LTBP3: variants seen among roughly 807,000 people sequenced by gnomAD.
LTBP3 encodes latent transforming growth factor beta binding protein 3.
In LTBP3, 97 loss-of-function variants were observed where a neutral mutation model predicts 159.7. The observed-to-expected ratio is 0.61, with a 90% CI of 0.52 to 0.72. The LOEUF (loss-of-function observed/expected upper bound fraction) is 0.72. Ranked by LOEUF, LTBP3 falls within the 30% of genes least tolerant of loss-of-function variation. The probability of loss-of-function intolerance (pLI) is 0.00; values close to 1 mark genes in which losing one functional copy is unlikely to be tolerated. For missense variants in LTBP3, 1,584 were observed against 1,864.3 expected (o/e 0.85, Z 2.77); for synonymous variants, 824 against 777.1 (o/e 1.06, Z -1.00).
Position 65,554,162 on chromosome 11 carries a change from C to A in LTBP3, c.550G>T (p.Ala184Ser). 1.2e-6 allele frequency: 2 copies of A among 1,612,072 alleles called. No homozygotes were observed. The highest frequency in any genetic ancestry group is 1.7e-6 in the Non-Finnish European group (2 of 1,179,594). ...GCGATCACCTGGACGGCGTAGATGG[C>A]GTGCTTGCTGGCCACAGAGTCGCCC... ...PEGDSVASKH[A>S]IYAVQVIADP... Residue 184 changes from alanine (A) to serine (S), a missense_variant, in exon 2 of 28, where the codon GCC (alanine) becomes TCC (serine). Physicochemically the swap from Ala to Ser is moderately conservative, Grantham distance 99. Around this residue, in one of 6 missense-constraint regions of LTBP3, gnomAD observed 194 missense variants for 198.7 expected, o/e 0.98. Coordinates refer to ENST00000301873, the MANE Select transcript of LTBP3 (RefSeq NM_001130144.3). The surrounding 1 kb of genome is among the most constrained non-coding windows in gnomAD (Gnocchi z 5.3).
chr11:65,553,010 T>C lies in LTBP3; in HGVS notation c.1064-28A>G. The stretch of plus-strand genomic sequence containing the variant: ...GTGGTAAGTGGAAGTTTGGCCCCTC[T>C]GGTCTGGGGCCATGGGGTGACAGCA... On this transcript the variant is annotated intron_variant, in intron 5 of 27. Transcript: ENST00000301873. The surrounding 1 kb of genome is among the most constrained non-coding windows in gnomAD (Gnocchi z 6.5). The C allele has an allele frequency of 1.2e-6, 2 of 1,614,060 alleles. No individual in the cohort carries two copies. Among genetic ancestry groups the C allele is most frequent in the Middle Eastern group, 1.6e-4 (1 of 6,062 alleles).
At chr11:65,549,348 T>G (rs1856506318) in intron 11 of LTBP3, among the ~76,000 whole-genome samples, 1 of 152,008 alleles carries the variant, frequency 6.6e-6, no homozygotes, top group South Asian at 2.1e-4. Flanking sequence ...CAACTTAACT[T>G]CCCTTGTGAT....
Position 65,547,069 on chromosome 11 carries a change from C to T in LTBP3, c.2108-149G>A, listed in dbSNP as rs1482367633. On this transcript the variant is annotated intron_variant, in intron 14 of 27. Transcript: ENST00000301873. This position sits in a 1 kb window ranked among gnomAD's most constrained non-coding sequence, Gnocchi z 4.6. Reference sequence around the variant, plus strand: ...GAGGCCCAGAGCCGAGCATACAGGCCGGGTGCGGTGGCACACGGCTGTAAT... The same window carrying T: ...GAGGCCCAGAGCCGAGCATACAGGCTGGGTGCGGTGGCACACGGCTGTAAT... 16 of 1,192,148 alleles carry T rather than the reference C, an allele frequency of 1.3e-5. No individual in the cohort carries two copies. Among genetic ancestry groups the T allele is most frequent in the East Asian group, 2.5e-5 (1 of 39,708 alleles). The allele number at this position is 1,192,148 out of a possible 1,614,324, so 73.8% of individuals were successfully genotyped here.
rs760080755 is a variant in LTBP3 at position 65,552,248 on chromosome 11, C to G, written c.1345G>C (p.Ala449Pro). ...RCQRCPTDGT[A>P]AFKEICPAGK... ...CTATCCCCGGGTAACCCTGACTCAC[C>G]GGTGCCATCTGTTGGGCAGCGCTGA... The change falls in exon 7 of 28, where the codon GCT (alanine) becomes CCT (proline). Residue 449 changes from alanine (A) to proline (P), a missense_variant and splice_region_variant. By Grantham distance (27) the Ala-to-Pro change is conservative. This residue lies in a region of LTBP3 where 156 missense variants were observed against 259.7 expected (regional missense o/e 0.60). Transcript: ENST00000301873. The surrounding 1 kb of genome is among the most constrained non-coding windows in gnomAD (Gnocchi z 6.0). 1.9e-6 allele frequency: 3 copies of G among 1,614,158 alleles called. No homozygotes were observed. The Admixed American group carries it at 5.0e-5, about 27-fold the overall frequency.
chr11:65,556,542 C>T (rs2135165298), intron 1 of LTBP3, among the ~76,000 whole-genome samples: 1 of 152,246 alleles, frequency 6.6e-6, no homozygotes, highest in Non-Finnish European at 1.5e-5. Context: ...AACACAAAAA[C>T]AAAAACATTC....
rs770265907 is a variant in LTBP3, at chr11:65,540,910, C to T, written c.2938G>A (p.Asp980Asn). Residue 980 changes from aspartate to asparagine, a missense_variant, in exon 21 of 28, where the codon GAC becomes AAC. Asp to Asn is a conservative substitution (Grantham distance 23, BLOSUM62 1). Around this residue, in one of 6 missense-constraint regions of LTBP3, gnomAD observed 514 missense variants for 530.3 expected, o/e 0.97. Coordinates refer to ENST00000301873, the MANE Select transcript of LTBP3 (RefSeq NM_001130144.3). Reference protein sequence around the residue: ...LCPDGKGYTQDNNIVNYGIPA... With the variant: ...LCPDGKGYTQNNNIVNYGIPA... Reference sequence around the variant, plus strand: ...ATGCCGTAGTTGACGATGTTGTTGTCCTGGGTGTAGCCCTTTCCGTCTGGG... The same window carrying T: ...ATGCCGTAGTTGACGATGTTGTTGTTCTGGGTGTAGCCCTTTCCGTCTGGG... 9 of 1,613,514 alleles carry T rather than the reference C, an allele frequency of 5.6e-6. No homozygotes were observed.
Position 65,539,857 on chromosome 11 carries a change from A to ACGTCGCGCCGCTCCGGGGCACGCTCTG in LTBP3, c.3386-3_3409dup (p.Ala1128_Asp1136dup). The ACGTCGCGCCGCTCCGGGGCACGCTCTG allele has an allele frequency of 6.6e-7, 1 of 1,517,642 alleles. No homozygotes were observed. The highest frequency in any genetic ancestry group is 8.8e-7 in the Non-Finnish European group (1 of 1,139,890). The allele number at this position is 1,517,642 out of a possible 1,614,324, so 94.0% of individuals were successfully genotyped here. On this transcript the variant is annotated inframe_insertion, in exon 25 of 28. Transcript: ENST00000301873. The stretch of plus-strand genomic sequence containing the variant: ...GTCCTCTCCGCGCTGGCTCCAGCAC[A>ACGTCGCGCCGCTCCGGGGCACGCTCTG]CGTCGCGCCGCTCCGGGGCACGCTC...
intron 1 of LTBP3, among the ~76,000 whole-genome samples, chr11:65,556,824 AG>A (rs1394526537): frequency 1.3e-5 from 2 of 152,086 alleles, no homozygotes; most frequent in Non-Finnish European, 2.9e-5. Flanking sequence ...CCTGTCCAGG[AG>A]GGTAATTACT....
rs767143287 is a variant in LTBP3 at position 65,539,808 on chromosome 11, G to T, written c.3459C>A (p.Ala1153=). 1 of 1,534,720 alleles carries T rather than the reference G, an allele frequency of 6.5e-7. No homozygotes were observed. Residue 1153 remains alanine (A), a synonymous_variant, in exon 25 of 28, where the codon GCC becomes GCA. Coordinates refer to ENST00000301873, the MANE Select transcript of LTBP3 (RefSeq NM_001130144.3). Reference sequence around the variant, plus strand: ...AGTCGTCGAAGGTGAGGGCAGGCCCGGCCAGGGGGCCAGCGCACATGCCGT... The same window carrying T: ...AGTCGTCGAAGGTGAGGGCAGGCCCTGCCAGGGGGCCAGCGCACATGCCGT... ...GEDGMCAGPL[A]GPALTFDDCC... is the part of the protein sequence containing the mutation.
In LTBP3 at chr11:65,547,348, GA is replaced by G. The variant is rs553808538; in HGVS notation, c.2107+90del. Reference sequence around the variant, plus strand: ...GACAGAGTGAGACTCCGTCTCGGGGGAAAAAAAAAAAAATGCAGGCACCCCA... The same window carrying G: ...GACAGAGTGAGACTCCGTCTCGGGGGAAAAAAAAAAAATGCAGGCACCCCA... On this transcript the variant is annotated intron_variant, in intron 14 of 27. Transcript: ENST00000301873. This position sits in a 1 kb window ranked among gnomAD's most constrained non-coding sequence, Gnocchi z 4.6. 0.069 allele frequency: 52,718 copies of G among 762,070 alleles called. 5 individuals are homozygous for G. Among genetic ancestry groups the G allele is most frequent in the South Asian group, 0.1 (4,247 of 41,366 alleles). 47.2% of individuals were successfully genotyped at this position (762,070 alleles called of 1,614,324 possible). A position where few individuals can be genotyped will look rare whatever the true frequency, so the allele number is the denominator to read the frequency against.
chr11:65,551,569 A>C lies in LTBP3; in HGVS notation c.1532-5T>G, dbSNP rs371157404. The C allele has an allele frequency of 1.2e-6, 2 of 1,613,772 alleles. No homozygotes were observed. Among genetic ancestry groups the C allele is most frequent in the Non-Finnish European group, 1.7e-6 (2 of 1,179,978 alleles). On this transcript the variant is annotated splice_region_variant and splice_polypyrimidine_tract_variant and intron_variant, in intron 8 of 27. Transcript: ENST00000301873. ...TCACTGAGTCCGTGGTCACCCCTAA[A>C]AGGGAAGAAGATGGGGCCATGAAGT... is the stretch of plus-strand genomic sequence containing the variant.
rs2135113816 is a variant in LTBP3, at chr11:65,538,997, C to G, written c.*83G>C. 1.5e-6 allele frequency: 2 copies of G among 1,315,292 alleles called. No individual in the cohort carries two copies. The highest frequency in any genetic ancestry group is 1.9e-5 in the South Asian group (1 of 52,072). The allele number at this position is 1,315,292 out of a possible 1,614,324, so 81.5% of individuals were successfully genotyped here. On this transcript the variant is annotated 3_prime_UTR_variant, in exon 28 of 28. Transcript: ENST00000301873. ...CCTGAAGGTCCCTGGGTCCGAGCCA[C>G]AAGTCGGGGCAGAAGTGAGGCCGAG... is the stretch of plus-strand genomic sequence containing the variant.
Position 65,552,010 on chromosome 11 carries a change from C to T in LTBP3, c.1493G>A (p.Ser498Asn). 1 of 1,614,024 alleles carries T rather than the reference C, an allele frequency of 6.2e-7. No individual in the cohort carries two copies. The highest frequency in any genetic ancestry group is 8.5e-7 in the Non-Finnish European group (1 of 1,179,986). Residue 498 changes from serine to asparagine, a missense_variant, in exon 8 of 28, where the codon AGC becomes AAC. Around this residue, in one of 6 missense-constraint regions of LTBP3, gnomAD observed 565 missense variants for 677.7 expected, o/e 0.83. Coordinates refer to ENST00000301873, the MANE Select transcript of LTBP3 (RefSeq NM_001130144.3). This position sits in a 1 kb window ranked among gnomAD's most constrained non-coding sequence, Gnocchi z 6.0. ...PKPQQLPESP[S>N]QAPPPEDTEE... Reference sequence around the variant, plus strand: ...TGTGTCCTCAGGTGGTGGAGCCTGGCTAGGGCTCTCCGGAAGCTGCTGGGG... The same window carrying T: ...TGTGTCCTCAGGTGGTGGAGCCTGGTTAGGGCTCTCCGGAAGCTGCTGGGG...
chr11:65,551,448 C>T lies in LTBP3; in HGVS notation c.1575G>A (p.Gln525=). 1 of 1,613,940 alleles carries T rather than the reference C, an allele frequency of 6.2e-7. No individual in the cohort carries two copies. The highest frequency in any genetic ancestry group is 1.1e-5 in the South Asian group (1 of 91,082). The part of the protein sequence containing the change: ...DSPVSEERSV[Q]QSHPTATTTP... ...TCGTGGTGGCAGTTGGGTGGCTCTG[C>T]TGCACTGACCTCTCCTCACTCACCG... The change falls in exon 10 of 28, where the codon CAG becomes CAA. Residue 525 remains glutamine (Q), a synonymous_variant. Transcript: ENST00000301873.
chr11:65,550,775 G>C (rs905410474), intron 11 of LTBP3, among the ~76,000 whole-genome samples: 1 of 152,068 alleles, frequency 6.6e-6, no homozygotes, highest in Non-Finnish European at 1.5e-5. Flanking sequence ...GGTGAGCCGA[G>C]ATTGCGCCAC....
chr11:65,539,076 G>GGCGTCGGCA lies in LTBP3; in HGVS notation c.*3_*4insTGCCGACGC, dbSNP rs748923465. On this transcript the variant is annotated 3_prime_UTR_variant, in exon 28 of 28. Coordinates refer to ENST00000301873, the MANE Select transcript of LTBP3 (RefSeq NM_001130144.3). ...GGTCTGGGCCGAGGGCGGCGTCGGCGGCGTCAGCGGCGGCGCTGGGGAACG... is the reference window on the plus strand; with the variant it reads ...GGTCTGGGCCGAGGGCGGCGTCGGCGGCGTCGGCAGCGTCAGCGGCGGCGCTGGGGAACG... The GGCGTCGGCA allele has an allele frequency of 3.6e-5, 50 of 1,381,914 alleles. 1 individual carries two copies. The African/African-American group carries it at 6.2e-4, about 17-fold the overall frequency. The allele number at this position is 1,381,914 out of a possible 1,614,324, so 85.6% of individuals were successfully genotyped here.
rs1565095407 is a variant in LTBP3, at chr11:65,547,413, C to T, written c.2107+26G>A. 1 of 1,611,076 alleles carries T rather than the reference C, an allele frequency of 6.2e-7. No individual in the cohort carries two copies. The highest frequency in any genetic ancestry group is 2.2e-5 in the East Asian group (1 of 44,864). ...TGGAGAGACAGCTAAGGAGCTCCTT[C>T]TTTGGTCTGAATGGGGTCCCCTCAC... On this transcript the variant is annotated intron_variant, in intron 14 of 27. Transcript: ENST00000301873. The surrounding 1 kb of genome is among the most constrained non-coding windows in gnomAD (Gnocchi z 4.6).
chr11:65,557,029 G>T lies in LTBP3; in HGVS notation c.331+600C>A, dbSNP rs141441137. Reference sequence around the variant, plus strand: ...CAGGATGTTAGGAGCTTATGGGGAGGCATTGGAAAAGGAGAGGCTGAGAAC... The same window carrying T: ...CAGGATGTTAGGAGCTTATGGGGAGTCATTGGAAAAGGAGAGGCTGAGAAC... On this transcript the variant is annotated intron_variant, in intron 1 of 27. Transcript: ENST00000301873. Among the ~76,000 whole-genome samples, 104 of 152,128 alleles carry T rather than the reference G, an allele frequency of 6.8e-4. 1 individual carries two copies. The East Asian group carries it at 0.017, about 25-fold the overall frequency.
rs1375139471 is a variant in LTBP3 at position 65,539,822 on chromosome 11, C to T, written c.3445G>A (p.Ala1149Thr). ...AGGGCAGGCCCGGCCAGGGGGCCAG[C>T]GCACATGCCGTCCTCTCCGCGCTGG... ...WSQRGEDGMC[A>T]GPLAGPALTF... is the part of the protein sequence containing the mutation. The change falls in exon 25 of 28, where the codon GCT (alanine) becomes ACT (threonine). Residue 1149 changes from alanine to threonine, a missense_variant. Physicochemically the swap from Ala to Thr is moderately conservative, Grantham distance 58. Coordinates refer to ENST00000301873, the MANE Select transcript of LTBP3 (RefSeq NM_001130144.3). 8 of 1,530,336 alleles carry T rather than the reference C, an allele frequency of 5.2e-6. No homozygotes were observed. The highest frequency in any genetic ancestry group is 7.0e-6 in the Non-Finnish European group (8 of 1,145,344). 94.8% of individuals were successfully genotyped at this position (1,530,336 alleles called of 1,614,324 possible). A position where few individuals can be genotyped will look rare whatever the true frequency, so the allele number is the denominator to read the frequency against.
Sources: gnomAD v4.1 joint callset for allele counts (sites outside exome capture counted in the v4.1 genomes callset) on GRCh38, gnomAD v4.1.1 for gene constraint, gnomAD v4.1.1 regional missense constraint, Gnocchi (gnomAD v3.1) non-coding constraint, MANE v1.5 for transcripts, NCBI Gene and HGNC (gene_info 2026-07-23, HGNC 2026-07-21) for gene names.